The following KCNJ6 variants were observed in gnomAD, a reference collection of about 807,000 sequenced individuals.
The protein encoded by KCNJ6 is G protein-activated inward rectifier potassium channel 2.
In KCNJ6, 9 loss-of-function variants were observed where a neutral mutation model predicts 34.2. That is an observed-to-expected ratio of 0.26 (90% CI 0.16 to 0.46). The LOEUF is 0.46. Ranked by LOEUF, KCNJ6 falls within the 20% of genes least tolerant of loss-of-function variation. The pLI, the probability that KCNJ6 is intolerant of heterozygous loss-of-function variation, is 1.00. For missense variants in KCNJ6, 236 were observed against 531.3 expected, an observed-to-expected ratio of 0.44 and a Z score of 5.46; for synonymous variants, 196 against 207.1, an observed-to-expected ratio of 0.95 and a Z score of 0.46.
At chr21:37,815,327 A>G (rs370764095) in intron 2 of KCNJ6, among the ~76,000 whole-genome samples, 1 of 152,254 alleles carries the variant, frequency 6.6e-6, no homozygotes, top group South Asian at 2.1e-4. Context: ...CTCATTCTCT[A>G]TGATGTGATT....
At chr21:37,656,123 C>T (rs1007036570) in intron 3 of KCNJ6, among the ~76,000 whole-genome samples, 1 of 152,154 alleles carries the variant, frequency 6.6e-6, no homozygotes, top group Admixed American at 6.5e-5. Context: ...CGTGATGCTG[C>T]TGTGCCCTCT....
chr21:37,904,711 G>T lies in KCNJ6; in HGVS notation c.-28+11173C>A, dbSNP rs553527395. ...AAGTGAGTTTTACTTCATGGGCAGA[G>T]AGAAGGTTTGTAGTTTGACAGATAT... is the stretch of plus-strand genomic sequence containing the variant. On this transcript the variant is annotated intron_variant, in intron 1 of 3. Transcript: ENST00000609713. 8.5e-5 allele frequency among the ~76,000 whole-genome samples: 13 copies of T among 152,294 alleles called. No homozygotes were observed. The South Asian group carries it at 2.7e-3, about 32-fold the overall frequency.
At chr21:37,789,995 C>T (rs1159765660) in intron 2 of KCNJ6, among the ~76,000 whole-genome samples, 2 of 152,156 alleles carry the variant, frequency 1.3e-5, no homozygotes, top group African/African-American at 4.8e-5. Context: ...AGCCAGAGAT[C>T]TATGCAGGAT....
Position 37,845,973 on chromosome 21 carries a change from C to T in KCNJ6, c.-27-5264G>A, listed in dbSNP as rs186744870. On this transcript the variant is annotated intron_variant, in intron 1 of 3. Coordinates refer to ENST00000609713, the MANE Select transcript of KCNJ6 (RefSeq NM_002240.5). ...AAAAGGCATTCATAGACACATCAAA[C>T]GTTTGGGGTAATCATGATGATATAT... Among the ~76,000 whole-genome samples the T allele has an allele frequency of 2.6e-5, 4 of 152,168 alleles. No individual in the cohort carries two copies. The East Asian group carries it at 5.8e-4, about 22-fold the overall frequency.
At chr21:37,891,306 C>G (rs1399769449) in intron 1 of KCNJ6, among the ~76,000 whole-genome samples, 8 of 151,986 alleles carry the variant, frequency 5.3e-5, no homozygotes, top group Admixed American at 5.2e-4. Context: ...TAAACATGCA[C>G]ACATAGACAC....
At chr21:37,775,770 G>A (rs1353502414) in intron 2 of KCNJ6, among the ~76,000 whole-genome samples, 1 of 152,092 alleles carries the variant, frequency 6.6e-6, no homozygotes, top group Non-Finnish European at 1.5e-5. Context: ...AGTATAGTTT[G>A]AAGTCAGGTA....
chr21:37,915,666 C>A (rs561627221), intron 1 of KCNJ6, among the ~76,000 whole-genome samples: 1 of 152,348 alleles, frequency 6.6e-6, no homozygotes, highest in East Asian at 1.9e-4. Context: ...GAGTTTCAGT[C>A]GCTAATGAAA....
chr21:37,772,586 A>G (rs1430665887), intron 2 of KCNJ6, among the ~76,000 whole-genome samples: 1 of 152,256 alleles, frequency 6.6e-6, no homozygotes, highest in Non-Finnish European at 1.5e-5. Context: ...ACAAAATTAT[A>G]AAGCTCAAGA....
At chr21:37,637,270 A>C (rs2054362084) in intron 3 of KCNJ6, among the ~76,000 whole-genome samples, 1 of 152,210 alleles carries the variant, frequency 6.6e-6, no homozygotes. Flanking sequence ...TTAAATAACG[A>C]TGAGCCCTGC....
intron 3 of KCNJ6, among the ~76,000 whole-genome samples, chr21:37,640,168 AG>A (rs1390918694): frequency 2.0e-5 from 3 of 152,256 alleles, no homozygotes; most frequent in Non-Finnish European, 4.4e-5. Flanking sequence ...ACTGAATAAT[AG>A]GTTCCTTCTG....
chr21:37,896,527 G>A (rs992514402), intron 1 of KCNJ6, among the ~76,000 whole-genome samples: 5 of 152,128 alleles, frequency 3.3e-5, no homozygotes, highest in African/African-American at 7.2e-5. Flanking sequence ...GGAACATTAC[G>A]GGCACGGAAC....
At chr21:37,826,087 G>C (rs960650456) in intron 2 of KCNJ6, among the ~76,000 whole-genome samples, 9 of 152,052 alleles carry the variant, frequency 5.9e-5, no homozygotes, top group African/African-American at 1.7e-4. Context: ...ATTAAGTCTG[G>C]GCATTCTCCA....
chr21:37,727,007 A>G (rs2054858285), intron 2 of KCNJ6, among the ~76,000 whole-genome samples: 1 of 152,224 alleles, frequency 6.6e-6, no homozygotes. Context: ...GTCCAATTAG[A>G]TGTCCTCATA....
intron 1 of KCNJ6, among the ~76,000 whole-genome samples, chr21:37,906,245 T>C (rs1408474649): frequency 1.3e-5 from 2 of 152,220 alleles, no homozygotes; most frequent in Non-Finnish European, 2.9e-5. Flanking sequence ...CAAAAGCTTT[T>C]TGTTTTTGCT....
At chr21:37,878,266 T>A (rs77865273) in intron 1 of KCNJ6, among the ~76,000 whole-genome samples, 2,453 of 147,020 alleles carry the variant, frequency 0.017, 66 homozygotes, top group African/African-American at 0.056. Context: ...TTTGTGGGAT[T>A]TTTTTTTTTT....
chr21:37,796,089 G>A (rs775776278), intron 2 of KCNJ6, among the ~76,000 whole-genome samples: 6 of 152,158 alleles, frequency 3.9e-5, no homozygotes, highest in Non-Finnish European at 7.3e-5. Flanking sequence ...AGAGAGCAGC[G>A]CTGTGATCGG....
intron 3 of KCNJ6, among the ~76,000 whole-genome samples, chr21:37,657,411 G>A (rs1020842788): frequency 6.6e-6 from 1 of 152,194 alleles, no homozygotes; most frequent in Non-Finnish European, 1.5e-5. Flanking sequence ...GGGTGGGTCT[G>A]GGGTGAGGCT....
At chr21:37,762,241 C>T (rs570296205) in intron 2 of KCNJ6, among the ~76,000 whole-genome samples, 1 of 152,236 alleles carries the variant, frequency 6.6e-6, no homozygotes, top group East Asian at 1.9e-4. Context: ...TTTGGGTGTC[C>T]CCGCACTTAG....
intron 3 of KCNJ6, among the ~76,000 whole-genome samples, chr21:37,637,274 G>A (rs1322119625): frequency 6.6e-6 from 1 of 152,150 alleles, no homozygotes; most frequent in African/African-American, 2.4e-5. Flanking sequence ...ATAACGATGA[G>A]CCCTGCCCTA....
Sources: gnomAD v4.1 joint callset for allele counts (sites outside exome capture counted in the v4.1 genomes callset) on GRCh38, gnomAD v4.1.1 for gene constraint, MANE v1.5 for transcripts, NCBI Gene and HGNC (gene_info 2026-07-23, HGNC 2026-07-21) for gene names.